Variants in DNAJC8 observed in about 807,000 individuals in gnomAD.
DNAJC8 encodes the protein DnaJ heat shock protein family (Hsp40) member C8.
Under a neutral mutation model 43.2 loss-of-function variants are expected in DNAJC8, and 24 were observed. The ratio of observed to expected loss-of-function variants is 0.56; its 90% CI spans 0.40 to 0.78. The LOEUF is 0.78. Ranked by LOEUF, DNAJC8 falls within the 30% of genes least tolerant of loss-of-function variation. DNAJC8 has a pLI of 0.00. For synonymous variants in DNAJC8, 83 were observed against 98.0 expected (o/e 0.85, Z 0.90); for missense variants, 207 against 299.4 (o/e 0.69, Z 2.28).
At chr1:28,230,056 T>G (rs1283972799) in intron 1 of DNAJC8, 1 of 151,930 alleles carries the variant, frequency 6.6e-6, no homozygotes, top group African/African-American at 2.4e-5. Context: ...GAGACAAGCC[T>G]GGGCAACATG....
intron 2 of DNAJC8, among the ~76,000 whole-genome samples, chr1:28,227,104 C>CTTTTTTTTTTTT (rs375175168): frequency 1.1e-5 from 1 of 95,144 alleles, no homozygotes; most frequent in Admixed American, 1.3e-4. Context: ...CTCTCTCTCT[C>CTTTTTTTTTTTT]TTTTTTTTTT....
chr1:28,210,246 G>A, intron 4 of DNAJC8, 180 bp from the exon 5 acceptor site: 1 of 609,852 alleles, frequency 1.6e-6, no homozygotes, highest in Non-Finnish European at 2.9e-6. Context: ...TAAGAGCCTT[G>A]GAAAAAATTA....
At chr1:28,218,680 G>C (rs1646878271) in intron 2 of DNAJC8, among the ~76,000 whole-genome samples, 1 of 151,640 alleles carries the variant, frequency 6.6e-6, no homozygotes, top group Admixed American at 6.6e-5. Context: ...CCAAGGCAGG[G>C]AGATCACTTG....
intron 6 of DNAJC8, among the ~76,000 whole-genome samples, chr1:28,206,828 C>T (rs76894358): frequency 0.018 from 2,678 of 152,076 alleles, 81 homozygotes; most frequent in African/African-American, 0.062. Context: ...TAAAGAAGTC[C>T]CTAAATCTCT....
intron 1 of DNAJC8, among the ~76,000 whole-genome samples, chr1:28,231,402 G>A (rs556216301): frequency 1.3e-5 from 2 of 152,162 alleles, no homozygotes; most frequent in East Asian, 3.9e-4. Flanking sequence ...ATGAAGATCT[G>A]CAAAATTAAT....
intron 2 of DNAJC8, among the ~76,000 whole-genome samples, chr1:28,224,560 G>A (rs192650746): frequency 6.9e-4 from 105 of 152,062 alleles, no homozygotes; most frequent in East Asian, 2.1e-3. Flanking sequence ...GAGCCACCGC[G>A]CCTGGCCAGG....
chr1:28,232,229 G>T (rs1317540389), intron 1 of DNAJC8, among the ~76,000 whole-genome samples: 1 of 152,114 alleles, frequency 6.6e-6, no homozygotes, highest in Non-Finnish European at 1.5e-5. Context: ...ACTGTGCCCA[G>T]CCCCTTGCAA....
Position 28,205,333 on chromosome 1 carries a change from T to A in DNAJC8, c.488A>T (p.Tyr163Phe), listed in dbSNP as rs780586491. The A allele has an allele frequency of 6.8e-6, 11 of 1,608,542 alleles. No individual in the cohort carries two copies. Among genetic ancestry groups the A allele is most frequent in the Non-Finnish European group, 9.3e-6 (11 of 1,178,666 alleles). Residue 163 changes from tyrosine (Y) to phenylalanine (F), a missense_variant, in exon 7 of 9, where the codon TAT (tyrosine) becomes TTT (phenylalanine). By Grantham distance (22) the Tyr-to-Phe change is conservative. Coordinates refer to ENST00000263697, the MANE Select transcript of DNAJC8 (RefSeq NM_014280.3). The stretch of plus-strand genomic sequence containing the variant: ...TGCAAAGAGTTTCATTGTCTGTTTA[T>A]ATACAGCTTGTTTGAACTACAGGAA... ...DDPELFKQAVYKQTMKLFAEL... is the reference protein window; with the variant it reads ...DDPELFKQAVFKQTMKLFAEL...
chr1:28,215,797 A>AC (rs1401347921), intron 2 of DNAJC8, among the ~76,000 whole-genome samples: 1 of 151,896 alleles, frequency 6.6e-6, no homozygotes, highest in Non-Finnish European at 1.5e-5. Flanking sequence ...TCAGCCTCCC[A>AC]AAGTGCTGGG....
intron 2 of DNAJC8, among the ~76,000 whole-genome samples, chr1:28,224,672 C>T (rs574091277): frequency 1.3e-5 from 2 of 152,166 alleles, no homozygotes; most frequent in Admixed American, 6.5e-5. Flanking sequence ...ATCATGAGGT[C>T]AGGAGTTCGA....
intron 3 of DNAJC8, among the ~76,000 whole-genome samples, chr1:28,214,208 T>G (rs1347414081): frequency 6.6e-6 from 1 of 152,086 alleles, no homozygotes; most frequent in African/African-American, 2.4e-5. Flanking sequence ...TTTATACCAG[T>G]TATCTCTTAG....
chr1:28,225,812 T>C (rs1646930545), intron 2 of DNAJC8, among the ~76,000 whole-genome samples: 1 of 150,370 alleles, frequency 6.7e-6, no homozygotes, highest in Non-Finnish European at 1.5e-5. Context: ...AAGTGATTCT[T>C]GGGCCTTAGC....
At chr1:28,232,800 C>G (rs1255548662) in intron 1 of DNAJC8, 121 bp downstream of exon 1, 1 of 1,064,706 alleles carries the variant, frequency 9.4e-7, no homozygotes, top group African/African-American at 1.6e-5. Flanking sequence ...CCCGCCACCC[C>G]GAAGACTGGA....
intron 5 of DNAJC8, 118 bp downstream of exon 5, chr1:28,209,854 C>A: frequency 1.2e-6 from 1 of 821,674 alleles, no homozygotes; most frequent in Non-Finnish European, 2.0e-6. Context: ...TGGTAGAGAG[C>A]ACAGAAGTAG....
At chr1:28,220,796 C>G (rs552363717) in intron 2 of DNAJC8, among the ~76,000 whole-genome samples, 1 of 152,234 alleles carries the variant, frequency 6.6e-6, no homozygotes, top group East Asian at 1.9e-4. Flanking sequence ...ACAAGTAATT[C>G]TGACAAAAAT....
In DNAJC8 at chr1:28,218,650, A is replaced by T. The variant is rs1255426538; in HGVS notation, c.181-3654T>A. On this transcript the variant is annotated intron_variant, in intron 2 of 8. Coordinates refer to ENST00000263697, the MANE Select transcript of DNAJC8 (RefSeq NM_014280.3). ...GCCAGGCACAGTGGCTCACGCCTGTAATCCCAGTGATTTGGGAGGCCAAGG... is the reference window on the plus strand; with the variant it reads ...GCCAGGCACAGTGGCTCACGCCTGTTATCCCAGTGATTTGGGAGGCCAAGG... Among the ~76,000 whole-genome samples the T allele has an allele frequency of 2.0e-5, 3 of 151,866 alleles. 1 individual carries two copies. Among genetic ancestry groups the T allele is most frequent in the Non-Finnish European group, 4.4e-5 (3 of 68,016 alleles).
intron 2 of DNAJC8, among the ~76,000 whole-genome samples, chr1:28,223,516 G>A (rs370971228): frequency 5.9e-5 from 9 of 152,064 alleles, no homozygotes; most frequent in Non-Finnish European, 8.8e-5. Context: ...TCAGAGGGAA[G>A]GAGTGGCAGT....
intron 2 of DNAJC8, among the ~76,000 whole-genome samples, chr1:28,227,089 A>G (rs1646940537): frequency 7.3e-6 from 1 of 137,332 alleles, no homozygotes; most frequent in Admixed American, 7.4e-5. Context: ...AAAAAAAAAG[A>G]ATTTCTCTCT....
intron 1 of DNAJC8, among the ~76,000 whole-genome samples, chr1:28,229,603 GTC>G (rs1646960005): frequency 6.6e-6 from 1 of 151,790 alleles, no homozygotes; most frequent in African/African-American, 2.4e-5. Context: ...GTGAAACCCC[GTC>G]TCTACTAAAA....
Sources: allele counts gnomAD v4.1 joint callset (sites outside exome capture counted in the v4.1 genomes callset), GRCh38; gene constraint gnomAD v4.1.1; transcripts MANE v1.5; gene names NCBI Gene and HGNC (gene_info 2026-07-23, HGNC 2026-07-21).